The following ROR1 variants were observed in gnomAD, a reference collection of about 807,000 sequenced individuals.
ROR1 encodes the protein inactive tyrosine-protein kinase transmembrane receptor ROR1.
In ROR1, 19 loss-of-function variants were observed where a neutral mutation model predicts 78.8. That is an observed-to-expected ratio of 0.24 (90% CI 0.17 to 0.35). The LOEUF (loss-of-function observed/expected upper bound fraction) is 0.35. ROR1 is among the 10% of genes least tolerant of loss of function. ROR1 has a pLI of 1.00. For missense variants in ROR1, 917 were observed against 1,177.8 expected, an observed-to-expected ratio of 0.78 and a Z score of 3.24; for synonymous variants, 386 against 433.6, an observed-to-expected ratio of 0.89 and a Z score of 1.36.
At chr1:64,083,596 A>AG (rs1491284375) in intron 4 of ROR1, among the ~76,000 whole-genome samples, 1 of 132,920 alleles carries the variant, frequency 7.5e-6, no homozygotes, top group African/African-American at 3.2e-5. Context: ...AGAGAGAGAG[A>AG]AAAAAAAAAA....
intron 4 of ROR1, among the ~76,000 whole-genome samples, chr1:64,128,291 CAAAAAAA>C (rs72429774): frequency 2.0e-5 from 2 of 101,280 alleles, no homozygotes. Flanking sequence ...CCTGTCTCTA[CAAAAAAA>C]AAAAAAAAAA....
intron 4 of ROR1, among the ~76,000 whole-genome samples, chr1:64,051,062 G>T (rs573343061): frequency 2.7e-4 from 41 of 152,222 alleles, no homozygotes; most frequent in Non-Finnish European, 4.6e-4. Flanking sequence ...TACTCTCAGG[G>T]TCTATGTTTC....
rs1446331528 is a variant in ROR1 at position 63,815,478 on chromosome 1, C to CT, written c.91+40975dup. On this transcript the variant is annotated intron_variant, in intron 1 of 8. Coordinates refer to ENST00000371079, the MANE Select transcript of ROR1 (RefSeq NM_005012.4). ...TTTTCTTTTTCTTTTCTTTTCTTTT[C>CT]TTTTTCTTTTTTTTTTTTTTTTGAG... Among the ~76,000 whole-genome samples the CT allele has an allele frequency of 8.7e-4, 90 of 103,438 alleles. 5 individuals carry two copies. The South Asian group carries it at 0.026, about 29-fold the overall frequency. The allele number at this position is 103,438 out of a possible 152,430, so 67.9% of individuals were successfully genotyped here. A position where few individuals can be genotyped will look rare whatever the true frequency, so the allele number is the denominator to read the frequency against.
chr1:63,906,858 A>AT (rs1000284982), intron 1 of ROR1, among the ~76,000 whole-genome samples: 2 of 151,698 alleles, frequency 1.3e-5, no homozygotes, highest in African/African-American at 2.4e-5. Flanking sequence ...CTTTATTCTT[A>AT]TTTTTTTGTC....
chr1:63,813,393 A>G (rs1462315581), intron 1 of ROR1, among the ~76,000 whole-genome samples: 1 of 152,236 alleles, frequency 6.6e-6, no homozygotes, highest in Non-Finnish European at 1.5e-5. Flanking sequence ...CAGACATTCA[A>G]TAAATATTGA....
intron 2 of ROR1, among the ~76,000 whole-genome samples, chr1:64,018,964 G>A (rs1394179877): frequency 6.6e-6 from 1 of 152,118 alleles, no homozygotes; most frequent in Non-Finnish European, 1.5e-5. Flanking sequence ...ACTAAAGTTT[G>A]AGGACCAGTG....
chr1:63,971,552 G>A (rs1332639259), intron 1 of ROR1, among the ~76,000 whole-genome samples: 1 of 151,886 alleles, frequency 6.6e-6, no homozygotes. Context: ...TCTCATTATG[G>A]GCTTTAATAT....
intron 1 of ROR1, among the ~76,000 whole-genome samples, chr1:63,788,545 G>A (rs1348647441): frequency 6.6e-6 from 1 of 151,890 alleles, no homozygotes; most frequent in Non-Finnish European, 1.5e-5. Context: ...AAAGAGGCCG[G>A]CATTGATTGG....
chr1:64,009,440 A>T (rs949377811), intron 2 of ROR1, 64 bp downstream of exon 2: 1 of 1,256,870 alleles, frequency 8.0e-7, no homozygotes, highest in Non-Finnish European at 1.2e-6. Context: ...TAATCCTGGC[A>T]TGACCTTCTT....
intron 1 of ROR1, among the ~76,000 whole-genome samples, chr1:63,911,163 A>G (rs1557557078): frequency 1.3e-5 from 2 of 152,186 alleles, no homozygotes; most frequent in African/African-American, 2.4e-5. Context: ...AGCCTTGTAG[A>G]ATAACCTCTG....
At chr1:63,893,029 T>C (rs1420100332) in intron 1 of ROR1, among the ~76,000 whole-genome samples, 1 of 152,166 alleles carries the variant, frequency 6.6e-6, no homozygotes, top group Non-Finnish European at 1.5e-5. Context: ...GATTTAAAGA[T>C]GAGTTCATTT....
At chr1:64,175,578 T>C (rs1039479475) in intron 8 of ROR1, among the ~76,000 whole-genome samples, 62 of 152,212 alleles carry the variant, frequency 4.1e-4, no homozygotes, top group African/African-American at 1.4e-3. Flanking sequence ...TTTCTAAAAC[T>C]CATTTCCAAA....
intron 6 of ROR1, among the ~76,000 whole-genome samples, chr1:64,141,858 C>G (rs58783400): frequency 0.16 from 23,605 of 151,372 alleles, 2,044 homozygotes; most frequent in Non-Finnish European, 0.2. Flanking sequence ...TTAAGCCCCT[C>G]TGGCCACGTG....
chr1:63,786,424 C>T (rs1644687906), intron 1 of ROR1, among the ~76,000 whole-genome samples: 1 of 151,662 alleles, frequency 6.6e-6, no homozygotes, highest in Admixed American at 6.6e-5. Context: ...AGGCACCCGC[C>T]ACCACGGCCA....
intron 1 of ROR1, among the ~76,000 whole-genome samples, chr1:63,860,562 T>TACACACAC (rs68153450): frequency 0.091 from 11,502 of 126,310 alleles, 627 homozygotes; most frequent in Admixed American, 0.14. Context: ...CTACTAAAAA[T>TACACACAC]ACACACACAC....
intron 7 of ROR1, 39 bp from the exon 8 acceptor site, chr1:64,158,942 A>C (rs769265950): frequency 1.2e-5 from 17 of 1,462,612 alleles, no homozygotes; most frequent in Non-Finnish European, 1.5e-5. Context: ...TGTTACTTTA[A>C]AGAGTATAAC....
intron 1 of ROR1, among the ~76,000 whole-genome samples, chr1:64,004,612 A>G (rs1486674104): frequency 2.0e-5 from 3 of 152,214 alleles, no homozygotes; most frequent in Non-Finnish European, 2.9e-5. Context: ...CGCATCACTG[A>G]ATCGGGGATA....
At chr1:63,806,550 C>A (rs1644830948) in intron 1 of ROR1, among the ~76,000 whole-genome samples, 2 of 152,184 alleles carry the variant, frequency 1.3e-5, no homozygotes, top group South Asian at 4.2e-4. Flanking sequence ...ATCTCCTGAC[C>A]TTGTGATCCG....
At chr1:63,785,680 C>T (rs930961630) in intron 1 of ROR1, among the ~76,000 whole-genome samples, 63 of 152,034 alleles carry the variant, frequency 4.1e-4, no homozygotes, top group African/African-American at 1.3e-3. Context: ...CGCCTGCCAC[C>T]ACGCCCGGCT....
Sources: allele counts gnomAD v4.1 joint callset (sites outside exome capture counted in the v4.1 genomes callset), GRCh38; gene constraint gnomAD v4.1.1; transcripts MANE v1.5; gene names NCBI Gene and HGNC (gene_info 2026-07-23, HGNC 2026-07-21).